CDH13: variants seen among roughly 807,000 people sequenced by gnomAD.
The protein encoded by CDH13 is cadherin 13, also known as cadherin-13.
Under a neutral mutation model 63.8 loss-of-function variants are expected in CDH13, and 24 were observed. The ratio of observed to expected loss-of-function variants is 0.38; its 90% CI spans 0.27 to 0.53. The LOEUF is 0.53. Among genes scored for constraint, CDH13 ranks in the 20% least tolerant of loss-of-function variants. The pLI, the probability that CDH13 is intolerant of heterozygous loss-of-function variation, is 0.85. For synonymous variants in CDH13, 503 were observed against 355.3 expected (o/e 1.42, Z -4.67); for missense variants, 1,049 against 903.1 (o/e 1.16, Z -2.07).
chr16:83,198,485 CTTG>C lies in CDH13; in HGVS notation c.484-18855_484-18853del, dbSNP rs527894748. On this transcript the variant is annotated intron_variant, in intron 4 of 13. Transcript: ENST00000567109. ...CTGGGAAGACTGTAAAGTTGGATGT[CTTG>C]TTGTGCTTTCTATTTATTATTCAGA... is the stretch of plus-strand genomic sequence containing the variant. Among the ~76,000 whole-genome samples, 559 of 152,228 alleles carry C rather than the reference CTTG, an allele frequency of 3.7e-3. 5 individuals are homozygous for C. Among genetic ancestry groups the C allele is most frequent in the African/African-American group, 0.013 (536 of 41,518 alleles).
At chr16:82,639,930 A>C (rs1011854334) in intron 1 of CDH13, among the ~76,000 whole-genome samples, 2 of 152,202 alleles carry the variant, frequency 1.3e-5, no homozygotes, top group African/African-American at 4.8e-5. Context: ...CTATCTGTGC[A>C]TTCCCTATTT....
At chr16:82,949,301 G>C (rs1240893589) in intron 2 of CDH13, among the ~76,000 whole-genome samples, 1 of 152,122 alleles carries the variant, frequency 6.6e-6, no homozygotes, top group Admixed American at 6.6e-5. Context: ...TGCAATCTCT[G>C]CTTTGTTCCT....
chr16:82,691,575 A>T (rs1181752175), intron 1 of CDH13, among the ~76,000 whole-genome samples: 4 of 152,112 alleles, frequency 2.6e-5, no homozygotes, highest in Non-Finnish European at 5.9e-5. Flanking sequence ...TTGTCTTCCA[A>T]ATAAACTACC....
intron 7 of CDH13, among the ~76,000 whole-genome samples, chr16:83,525,669 A>G (rs2074944207): frequency 1.3e-5 from 2 of 152,158 alleles, no homozygotes; most frequent in Non-Finnish European, 2.9e-5. Context: ...AGCTGGGACT[A>G]TGTTGCCTAC....
At chr16:82,767,547 C>T (rs1161194318) in intron 1 of CDH13, among the ~76,000 whole-genome samples, 1 of 152,166 alleles carries the variant, frequency 6.6e-6, no homozygotes, top group Non-Finnish European at 1.5e-5. Context: ...GATTTAAATT[C>T]CCTGTGCCAA....
chr16:82,930,769 T>A (rs766277638), intron 2 of CDH13, among the ~76,000 whole-genome samples: 1 of 152,150 alleles, frequency 6.6e-6, no homozygotes, highest in Non-Finnish European at 1.5e-5. Context: ...ATATCAGTAC[T>A]CCAGTTCACC....
chr16:82,672,034 A>G (rs1017910757), intron 1 of CDH13, among the ~76,000 whole-genome samples: 14 of 152,112 alleles, frequency 9.2e-5, no homozygotes, highest in African/African-American at 3.4e-4. Flanking sequence ...CCCTAGGGGC[A>G]TTAGCTTCTC....
At chr16:83,237,458 A>T (rs1184708990) in intron 5 of CDH13, among the ~76,000 whole-genome samples, 2 of 152,236 alleles carry the variant, frequency 1.3e-5, no homozygotes, top group African/African-American at 4.8e-5. Flanking sequence ...GTGTTCCATA[A>T]CTGCACCGTC....
intron 1 of CDH13, among the ~76,000 whole-genome samples, chr16:82,741,131 C>G (rs1325677357): frequency 6.6e-6 from 1 of 152,172 alleles, no homozygotes; most frequent in Non-Finnish European, 1.5e-5. Context: ...TTTCACAACC[C>G]AAAACTTGTC....
chr16:82,858,851 T>C lies in CDH13; in HGVS notation c.157+378T>C, dbSNP rs565748368. On this transcript the variant is annotated intron_variant, in intron 2 of 13. Coordinates refer to ENST00000567109, the MANE Select transcript of CDH13 (RefSeq NM_001257.5). ...TTGCTGTTCTACCTGTAGTTTCTCA[T>C]ACATAGCATTAGATCAAAATAATGG... is the stretch of plus-strand genomic sequence containing the variant. The C allele has an allele frequency of 7.6e-5, 21 of 276,978 alleles. No homozygotes were observed. In the South Asian group the frequency reaches 1.4e-3, roughly 19 times the overall value. 17.2% of individuals were successfully genotyped at this position (276,978 alleles called of 1,614,324 possible).
At chr16:83,041,982 T>G (rs192572308) in intron 3 of CDH13, among the ~76,000 whole-genome samples, 113 of 152,318 alleles carry the variant, frequency 7.4e-4, no homozygotes, top group Middle Eastern at 6.8e-3. Flanking sequence ...TTTCCTGATC[T>G]CACACGTTCT....
chr16:83,451,729 G>A (rs1176077219), intron 6 of CDH13, among the ~76,000 whole-genome samples: 1 of 152,160 alleles, frequency 6.6e-6, no homozygotes, highest in African/African-American at 2.4e-5. Flanking sequence ...TATTACCCAG[G>A]CTGGTCTTGA....
chr16:83,494,778 C>G (rs35285762), intron 7 of CDH13, among the ~76,000 whole-genome samples: 34,251 of 152,090 alleles, frequency 0.23, 3,886 homozygotes, highest in Middle Eastern at 0.3. Flanking sequence ...CTGGGATCCA[C>G]ATTTCTTTCA....
chr16:83,625,774 T>C (rs1910241225), intron 8 of CDH13, among the ~76,000 whole-genome samples: 2 of 151,862 alleles, frequency 1.3e-5, no homozygotes, highest in South Asian at 4.2e-4. Flanking sequence ...GGAGGGGAGG[T>C]CTACAGCTTT....
chr16:83,300,640 C>G (rs947463571), intron 5 of CDH13, among the ~76,000 whole-genome samples: 1 of 152,206 alleles, frequency 6.6e-6, no homozygotes, highest in East Asian at 1.9e-4. Context: ...TCTGCCCTCC[C>G]AGAACCTAGT....
intron 10 of CDH13, among the ~76,000 whole-genome samples, chr16:83,724,765 G>A (rs1188696008): frequency 6.6e-6 from 1 of 152,172 alleles, no homozygotes. Flanking sequence ...GGAGCAAGAT[G>A]ATTGATGAAG....
At chr16:83,699,211 T>C (rs1905846087) in intron 10 of CDH13, among the ~76,000 whole-genome samples, 1 of 152,246 alleles carries the variant, frequency 6.6e-6, no homozygotes, top group South Asian at 2.1e-4. Context: ...TAAGCCCCAG[T>C]GGCAGCCCAT....
At chr16:83,033,361 A>G (rs1012995182) in intron 3 of CDH13, among the ~76,000 whole-genome samples, 12 of 152,134 alleles carry the variant, frequency 7.9e-5, no homozygotes, top group African/African-American at 2.7e-4. Flanking sequence ...TTAACAGGTC[A>G]TAGGTATCTC....
At chr16:83,019,835 C>CA (rs1567750683) in intron 2 of CDH13, among the ~76,000 whole-genome samples, 54 of 85,588 alleles carry the variant, frequency 6.3e-4, no homozygotes, top group African/African-American at 2.6e-3. Flanking sequence ...GGAGTACACT[C>CA]TAAAAAAAAA....
Sources: allele counts gnomAD v4.1 joint callset (sites outside exome capture counted in the v4.1 genomes callset), GRCh38; gene constraint gnomAD v4.1.1; transcripts MANE v1.5; gene names NCBI Gene and HGNC (gene_info 2026-07-23, HGNC 2026-07-21).